The following GRB10 variants were observed in gnomAD, a reference collection of about 807,000 sequenced individuals.
GRB10 encodes growth factor receptor-bound protein 10.
Under a neutral mutation model 80.9 loss-of-function variants are expected in GRB10, and 20 were observed. The ratio of observed to expected loss-of-function variants is 0.25; its 90% CI spans 0.17 to 0.36. The LOEUF (loss-of-function observed/expected upper bound fraction) is 0.36. Among genes scored for constraint, GRB10 ranks in the 10% least tolerant of loss-of-function variants. GRB10 has a pLI of 1.00. For synonymous variants in GRB10, 291 were observed against 291.5 expected (o/e 1.00, Z 0.02); for missense variants, 548 against 747.7 (o/e 0.73, Z 3.12).
chr7:50,716,221 G>A (rs2066851192), intron 4 of GRB10, among the ~76,000 whole-genome samples: 1 of 152,218 alleles, frequency 6.6e-6, no homozygotes, highest in South Asian at 2.1e-4. Context: ...ACACAAGACA[G>A]CCCTCAGAAG....
chr7:50,728,223 GGT>G (rs1554606688), intron 4 of GRB10, among the ~76,000 whole-genome samples: 6 of 135,074 alleles, frequency 4.4e-5, no homozygotes, highest in Admixed American at 7.8e-5. Context: ...ATGGGGGGGG[GGT>G]GTAGTACTTA....
chr7:50,782,921 C>A, upstream of GRB10: 1 of 152,592 alleles, frequency 6.6e-6, no homozygotes, highest in Non-Finnish European at 1.5e-5. This position sits in a 1 kb window ranked among gnomAD's most constrained non-coding sequence, Gnocchi z 6.6. Flanking sequence ...GTGACGCGGC[C>A]ACGCCCCAAC....
intron 7 of GRB10, among the ~76,000 whole-genome samples, chr7:50,650,202 C>T (rs2057831699): frequency 6.6e-6 from 1 of 152,224 alleles, no homozygotes; most frequent in Admixed American, 6.5e-5. Flanking sequence ...GGAATCAAAG[C>T]TGTGTCACAT....
intron 6 of GRB10, among the ~76,000 whole-genome samples, chr7:50,673,006 CG>C (rs1425374524): frequency 1.3e-5 from 2 of 152,198 alleles, no homozygotes; most frequent in Non-Finnish European, 2.9e-5. Context: ...TGACCACGGG[CG>C]CCAGGGCCGC....
intron 13 of GRB10, among the ~76,000 whole-genome samples, chr7:50,609,196 T>C (rs1483878658): frequency 6.6e-6 from 1 of 152,070 alleles, no homozygotes; most frequent in Non-Finnish European, 1.5e-5. Flanking sequence ...TCACAGTAAA[T>C]ATTTTGGTTA....
intron 7 of GRB10, among the ~76,000 whole-genome samples, chr7:50,656,741 G>A (rs1013069345): frequency 2.0e-5 from 3 of 152,238 alleles, no homozygotes; most frequent in Non-Finnish European, 4.4e-5. Context: ...TAGGGAGAAT[G>A]CAGAGGTGGA....
chr7:50,623,805 C>T (rs1563193256), intron 8 of GRB10, among the ~76,000 whole-genome samples: 1 of 152,028 alleles, frequency 6.6e-6, no homozygotes, highest in Non-Finnish European at 1.5e-5. Context: ...ATGCCTGGGA[C>T]CAGAAGCTTT....
chr7:50,645,297 T>C (rs1241085821), intron 7 of GRB10, among the ~76,000 whole-genome samples: 2 of 152,160 alleles, frequency 1.3e-5, no homozygotes, highest in Non-Finnish European at 2.9e-5. Flanking sequence ...ACAGAAACTA[T>C]GGAGATTTCT....
At chr7:50,756,309 T>C (rs1048900342) in intron 2 of GRB10, among the ~76,000 whole-genome samples, 2 of 152,112 alleles carry the variant, frequency 1.3e-5, no homozygotes, top group Non-Finnish European at 2.9e-5. Flanking sequence ...TGCCCACACA[T>C]CTCTGCGTCT....
At chr7:50,779,864 T>C (rs2078098319) in intron 2 of GRB10, 1 of 152,200 alleles carries the variant, frequency 6.6e-6, no homozygotes, top group African/African-American at 2.4e-5. Flanking sequence ...AATATGAGAT[T>C]TGAGCCTGAG....
intron 3 of GRB10, among the ~76,000 whole-genome samples, chr7:50,732,974 A>G (rs2070133847): frequency 6.6e-6 from 1 of 152,168 alleles, no homozygotes; most frequent in Non-Finnish European, 1.5e-5. Context: ...AACAACAAAA[A>G]TCAAGACAAG....
At chr7:50,593,380 G>C (rs200700258) in intron 18 of GRB10, among the ~76,000 whole-genome samples, 1 of 152,234 alleles carries the variant, frequency 6.6e-6, no homozygotes, top group African/African-American at 2.4e-5. Context: ...GGAAGGGCTC[G>C]AAGTTGCCCC....
chr7:50,770,204 T>C (rs563057123), intron 2 of GRB10, among the ~76,000 whole-genome samples: 2 of 152,334 alleles, frequency 1.3e-5, no homozygotes, highest in African/African-American at 4.8e-5. Context: ...GCATCTAGCA[T>C]TACCACTTCC....
intron 17 of GRB10, among the ~76,000 whole-genome samples, chr7:50,601,650 C>T (rs1335470770): frequency 2.0e-5 from 3 of 151,110 alleles, no homozygotes; most frequent in Non-Finnish European, 4.4e-5. Context: ...AAGTTAATGC[C>T]ATTAACAGAG....
chr7:50,605,630 G>GT (rs2048391457), intron 14 of GRB10, among the ~76,000 whole-genome samples: 1 of 152,158 alleles, frequency 6.6e-6, no homozygotes, highest in Non-Finnish European at 1.5e-5. Flanking sequence ...TCCTCCCTGA[G>GT]TATTAAAAAG....
chr7:50,703,760 G>A, intron 5 of GRB10, 61 bp downstream of exon 5: 1 of 1,160,870 alleles, frequency 8.6e-7, no homozygotes, highest in Non-Finnish European at 1.3e-6. Context: ...TAGAATATCA[G>A]ATCTGGGCAC....
chr7:50,783,631 T>C (rs1013998176), upstream of GRB10, among the ~76,000 whole-genome samples: 4 of 152,152 alleles, frequency 2.6e-5, no homozygotes, highest in African/African-American at 9.7e-5. Context: ...AGATATTCAC[T>C]GCCGTTTACA....
intron 3 of GRB10, among the ~76,000 whole-genome samples, chr7:50,754,617 G>A (rs1305847425): frequency 6.6e-6 from 1 of 152,208 alleles, no homozygotes; most frequent in Non-Finnish European, 1.5e-5. Context: ...TTTAGAAAGG[G>A]ATGTGTAAAA....
chr7:50,616,884 C>T (rs372329274), intron 10 of GRB10, among the ~76,000 whole-genome samples: 1 of 152,228 alleles, frequency 6.6e-6, no homozygotes, highest in East Asian at 1.9e-4. Flanking sequence ...AGAAACTACG[C>T]TTTTCATCAA....
Sources: gnomAD v4.1 joint callset for allele counts (sites outside exome capture counted in the v4.1 genomes callset) on GRCh38, gnomAD v4.1.1 for gene constraint, Gnocchi (gnomAD v3.1) non-coding constraint, MANE v1.5 for transcripts, NCBI Gene and HGNC (gene_info 2026-07-23, HGNC 2026-07-21) for gene names.